ADARB2: variants seen among roughly 807,000 people sequenced by gnomAD.
The protein encoded by ADARB2 is inactive double-stranded RNA-specific editase B2.
A neutral mutation model predicts 62.2 loss-of-function variants in ADARB2; 25 were observed. That is an observed-to-expected ratio of 0.40 (90% CI 0.29 to 0.56). The LOEUF (loss-of-function observed/expected upper bound fraction) is 0.56, where lower values mean the gene tolerates loss of function less well. Among genes scored for constraint, ADARB2 ranks in the 20% least tolerant of loss-of-function variants. The pLI is 0.43. For missense variants in ADARB2, 1,071 were observed against 1,077.4 expected, an observed-to-expected ratio of 0.99 and a Z score of 0.08; for synonymous variants, 572 against 500.8, an observed-to-expected ratio of 1.14 and a Z score of -1.90.
chr10:1,339,612 CTT>C (rs1832004538), intron 3 of ADARB2, among the ~76,000 whole-genome samples: 1 of 152,234 alleles, frequency 6.6e-6, no homozygotes, highest in South Asian at 2.1e-4. Context: ...TCTTGCCAAA[CTT>C]TGAAAATTCT....
At chr10:1,583,679 A>G (rs1833135883) in intron 1 of ADARB2, among the ~76,000 whole-genome samples, 3 of 152,250 alleles carry the variant, frequency 2.0e-5, no homozygotes, top group Admixed American at 2.0e-4. Flanking sequence ...TGTAGATTCA[A>G]TATATTCTCA....
intron 1 of ADARB2, among the ~76,000 whole-genome samples, chr10:1,544,172 T>C (rs1369310117): frequency 6.6e-6 from 1 of 152,124 alleles, no homozygotes; most frequent in South Asian, 2.1e-4. Flanking sequence ...GCTCTTGTTA[T>C]GTGAATATTG....
At chr10:1,722,105 T>C (rs904581687) in intron 1 of ADARB2, among the ~76,000 whole-genome samples, 1 of 152,226 alleles carries the variant, frequency 6.6e-6, no homozygotes, top group Non-Finnish European at 1.5e-5. Context: ...AGTTGGTGTG[T>C]CATGAAATTG....
chr10:1,464,673 A>G (rs1431889774), intron 1 of ADARB2, among the ~76,000 whole-genome samples: 1 of 63,624 alleles, frequency 1.6e-5, no homozygotes, highest in African/African-American at 5.1e-5. Context: ...ACACTCCCCC[A>G]CACACGCGCT....
chr10:1,454,074 A>C (rs1175691418), intron 1 of ADARB2, among the ~76,000 whole-genome samples: 1 of 152,222 alleles, frequency 6.6e-6, no homozygotes, highest in African/African-American at 2.4e-5. Flanking sequence ...ACAGTTCCAC[A>C]TGGCTTGGGA....
At chr10:1,257,313 T>A (rs1831088768) in intron 4 of ADARB2, among the ~76,000 whole-genome samples, 1 of 152,122 alleles carries the variant, frequency 6.6e-6, no homozygotes, top group Non-Finnish European at 1.5e-5. Flanking sequence ...CTTCATACTC[T>A]CCTCCCCTTC....
At chr10:1,302,367 C>G (rs576650275) in intron 3 of ADARB2, among the ~76,000 whole-genome samples, 1 of 152,324 alleles carries the variant, frequency 6.6e-6, no homozygotes, top group Admixed American at 6.5e-5. Flanking sequence ...ACACCTGGCT[C>G]GGAGGGTCCT....
At chr10:1,705,420 A>G (rs1909434) in intron 1 of ADARB2, among the ~76,000 whole-genome samples, 108,906 of 152,084 alleles carry the variant, frequency 0.72, 39,336 homozygotes, top group South Asian at 0.79. Flanking sequence ...GGGTCACTTG[A>G]TCACAGTGTC....
chr10:1,588,068 A>G (rs1214748533), intron 1 of ADARB2, among the ~76,000 whole-genome samples: 1 of 152,122 alleles, frequency 6.6e-6, no homozygotes, highest in Non-Finnish European at 1.5e-5. Context: ...ACAAGGGGAA[A>G]ATGACTTGGC....
chr10:1,392,021 C>G (rs1198011367), intron 1 of ADARB2, among the ~76,000 whole-genome samples: 1 of 152,136 alleles, frequency 6.6e-6, no homozygotes, highest in Non-Finnish European at 1.5e-5. Flanking sequence ...CTGCCTCACC[C>G]TCCCAAAGTG....
intron 5 of ADARB2, 67 bp from the exon 6 acceptor site, chr10:1,233,912 A>C: frequency 6.6e-7 from 1 of 1,521,420 alleles, no homozygotes; most frequent in Non-Finnish European, 8.9e-7. Context: ...AACCAGGTGA[A>C]CGCTTGAGTC....
chr10:1,551,973 C>T (rs923202368), intron 1 of ADARB2, among the ~76,000 whole-genome samples: 2 of 152,178 alleles, frequency 1.3e-5, no homozygotes, highest in African/African-American at 4.8e-5. Context: ...CCCAGGGGGG[C>T]GGAGTGAGGT....
chr10:1,583,740 G>A (rs2132002634), intron 1 of ADARB2, among the ~76,000 whole-genome samples: 1 of 152,304 alleles, frequency 6.6e-6, no homozygotes, highest in African/African-American at 2.4e-5. Flanking sequence ...TCATTCTAAA[G>A]TTTATGTGGA....
chr10:1,569,140 CAGAGAGTCAG>C (rs1332814007), intron 1 of ADARB2, among the ~76,000 whole-genome samples: 1 of 138,010 alleles, frequency 7.2e-6, no homozygotes, highest in Admixed American at 7.2e-5. Context: ...AAGAGAGAGA[CAGAGAGTCAG>C]AGAGAGACAG....
intron 1 of ADARB2, among the ~76,000 whole-genome samples, chr10:1,667,016 G>A (rs572833353): frequency 6.6e-6 from 1 of 152,320 alleles, no homozygotes; most frequent in African/African-American, 2.4e-5. Flanking sequence ...GGGTTTTTAA[G>A]TTATTGTTAT....
At chr10:1,297,166 G>A (rs554529238) in intron 3 of ADARB2, among the ~76,000 whole-genome samples, 3 of 152,320 alleles carry the variant, frequency 2.0e-5, no homozygotes, top group South Asian at 2.1e-4. Context: ...ATTTAGAAAC[G>A]AAATTATCCT....
intron 3 of ADARB2, among the ~76,000 whole-genome samples, chr10:1,301,690 T>C (rs1478674000): frequency 2.0e-5 from 3 of 152,174 alleles, no homozygotes; most frequent in Admixed American, 2.0e-4. Flanking sequence ...GAGAAATCAT[T>C]ATGGATTTCT....
chr10:1,310,819 T>C (rs563993810), intron 3 of ADARB2, among the ~76,000 whole-genome samples: 8 of 152,326 alleles, frequency 5.3e-5, no homozygotes, highest in African/African-American at 1.9e-4. Flanking sequence ...GGAGACAGGA[T>C]TGTAAAGACA....
intron 1 of ADARB2, among the ~76,000 whole-genome samples, chr10:1,685,070 C>G (rs1317087812): frequency 1.3e-5 from 2 of 152,172 alleles, no homozygotes; most frequent in Non-Finnish European, 2.9e-5. Flanking sequence ...GAAGACCGGA[C>G]AGGACCATGT....
Sources: allele counts gnomAD v4.1 joint callset (sites outside exome capture counted in the v4.1 genomes callset), GRCh38; gene constraint gnomAD v4.1.1; transcripts MANE v1.5; gene names NCBI Gene and HGNC (gene_info 2026-07-23, HGNC 2026-07-21).